Variants in NECAP1 observed in about 807,000 individuals in gnomAD.
NECAP1 encodes the protein NECAP endocytosis associated 1.
In NECAP1, 13 loss-of-function variants were observed where a neutral mutation model predicts 33.4. That is an observed-to-expected ratio of 0.39 (90% CI 0.25 to 0.62). The LOEUF is 0.62. Ranked by LOEUF, NECAP1 falls within the 20% of genes least tolerant of loss-of-function variation. NECAP1 has a pLI of 0.52. For missense variants in NECAP1, 272 were observed against 347.4 expected, an observed-to-expected ratio of 0.78 and a Z score of 1.73; for synonymous variants, 109 against 125.2, an observed-to-expected ratio of 0.87 and a Z score of 0.86.
intron 1 of NECAP1, among the ~76,000 whole-genome samples, chr12:8,088,727 G>A (rs1947514855): frequency 6.6e-6 from 1 of 152,058 alleles, no homozygotes; most frequent in Admixed American, 6.6e-5. Flanking sequence ...TGACCCACAA[G>A]GCCCTGCGTG....
chr12:8,091,015 T>G (rs1219255481), intron 3 of NECAP1: 1 of 152,598 alleles, frequency 6.6e-6, no homozygotes, highest in African/African-American at 2.4e-5. Flanking sequence ...GCTGTTGTAG[T>G]GTGAAATCAC....
At chr12:8,088,954 A>G (rs1225326888) in intron 1 of NECAP1, 2 of 151,966 alleles carry the variant, frequency 1.3e-5, no homozygotes, top group African/African-American at 2.4e-5. Context: ...ACCTACCCCA[A>G]CCACCCTCTT....
chr12:8,087,522 A>ATTTT (rs34100112), intron 1 of NECAP1, among the ~76,000 whole-genome samples: 1 of 137,344 alleles, frequency 7.3e-6, no homozygotes. Context: ...CTTGTTCCTA[A>ATTTT]TTTTTTTTTT....
At chr12:8,083,207 C>G (rs775983225) in intron 1 of NECAP1, among the ~76,000 whole-genome samples, 40 of 152,084 alleles carry the variant, frequency 2.6e-4, no homozygotes, top group African/African-American at 9.4e-4. Context: ...AAAGACAGTT[C>G]ACTGGGCTTC....
intron 1 of NECAP1, chr12:8,082,774 TCACACACACACACACACACA>T (rs58270520): frequency 3.9e-4 from 55 of 141,610 alleles, no homozygotes; most frequent in Middle Eastern, 3.2e-3. Flanking sequence ...TCTCTCTCTC[TCACACACACACACACACACA>T]CACACACACA....
rs144636809 is a variant in NECAP1, at chr12:8,090,127, C to G, written c.197-68C>G. 211 of 1,582,814 alleles carry G rather than the reference C, an allele frequency of 1.3e-4. No individual in the cohort carries two copies. The African/African-American group carries it at 2.7e-3, about 21-fold the overall frequency. On this transcript the variant is annotated intron_variant, in intron 2 of 7. Transcript: ENST00000339754. Reference sequence around the variant, plus strand: ...CAATTTGGGGACTGGAATGGAAATACTACTTGTTAATTGGGGTTCTGGATT... The same window carrying G: ...CAATTTGGGGACTGGAATGGAAATAGTACTTGTTAATTGGGGTTCTGGATT...
chr12:8,089,747 T>C, intron 1 of NECAP1, 189 bp from the exon 2 acceptor site: 1 of 555,704 alleles, frequency 1.8e-6, no homozygotes, highest in Non-Finnish European at 3.2e-6. Context: ...AGTAGTAGCA[T>C]TGTCTTTTAC....
In NECAP1 at chr12:8,091,540, C is replaced by T. The variant is rs116211267; in HGVS notation, c.302-229C>T. On this transcript the variant is annotated intron_variant, in intron 3 of 7. Coordinates refer to ENST00000339754, the MANE Select transcript of NECAP1 (RefSeq NM_015509.4). ...CATGTGCAGTTCACAGTAGGGTTCA[C>T]ACCCCTCTGAGAATCTAATGCTGCC... is the stretch of plus-strand genomic sequence containing the variant. The T allele has an allele frequency of 1.1e-3, 596 of 545,906 alleles. 1 individual carries two copies. Among genetic ancestry groups the T allele is most frequent in the African/African-American group, 9.9e-3 (519 of 52,592 alleles). 33.8% of individuals were successfully genotyped at this position (545,906 alleles called of 1,614,324 possible).
At chr12:8,082,482 G>A in intron 1 of NECAP1, 99 bp downstream of exon 1, 1 of 1,088,284 alleles carries the variant, frequency 9.2e-7, no homozygotes, top group East Asian at 2.6e-5. Flanking sequence ...TACTACCTCT[G>A]TATTGTCACC....
At chr12:8,091,260 G>A (rs1483987252) in intron 3 of NECAP1, 1 of 154,364 alleles carries the variant, frequency 6.5e-6, no homozygotes, top group African/African-American at 2.4e-5. Flanking sequence ...GACCCGTTTT[G>A]TGGAAGACAG....
chr12:8,090,898 T>C (rs1168487204), intron 3 of NECAP1: 10 of 153,458 alleles, frequency 6.5e-5, no homozygotes, highest in African/African-American at 2.4e-4. Flanking sequence ...GGGGCAGTCA[T>C]TCTTACTCTT....
intron 1 of NECAP1, 164 bp from the exon 2 acceptor site, chr12:8,089,772 A>T: frequency 1.6e-6 from 1 of 629,710 alleles, no homozygotes; most frequent in Non-Finnish European, 2.8e-6. Context: ...TTTGGACTGT[A>T]TGTAACATGA....
intron 6 of NECAP1, chr12:8,093,579 A>G (rs1207030310): frequency 6.4e-6 from 1 of 155,134 alleles, no homozygotes; most frequent in African/African-American, 2.4e-5. Context: ...AAATACAAAC[A>G]TTAGTTGGAC....
Position 8,082,331 on chromosome 12 carries a change from C to T in NECAP1, c.43C>T (p.Pro15Ser), listed in dbSNP as rs1467285778. ...GTACGAGTCTGTGCTGTGTGTGAAG[C>T]CAGACGTCAGCGTCTACCGGATTCC... ...LEYESVLCVK[P>S]DVSVYRIPPR... Residue 15 changes from proline to serine, a missense_variant, in exon 1 of 8, where the codon CCA becomes TCA. Pro to Ser is a moderately conservative substitution (Grantham distance 74). Coordinates refer to ENST00000339754, the MANE Select transcript of NECAP1 (RefSeq NM_015509.4). 1 of 1,613,712 alleles carries T rather than the reference C, an allele frequency of 6.2e-7. No homozygotes were observed. Among genetic ancestry groups the T allele is most frequent in the Admixed American group, 1.7e-5 (1 of 60,030 alleles).
At position 8,089,325 on chromosome 12, in the gene NECAP1, T is replaced by C. The variant is rs767686467; in HGVS notation, c.96-611T>C. ...TTATCTGATTAGTAAAGCATGGTTA[T>C]CTAGTATACCATCTATAGTTTGAAA... is the stretch of plus-strand genomic sequence containing the variant. On this transcript the variant is annotated intron_variant, in intron 1 of 7. Coordinates refer to ENST00000339754, the MANE Select transcript of NECAP1 (RefSeq NM_015509.4). 4 of 152,266 alleles carry C rather than the reference T, an allele frequency of 2.6e-5. No individual in the cohort carries two copies. The East Asian group carries it at 7.7e-4, about 29-fold the overall frequency. 9.4% of individuals were successfully genotyped at this position (152,266 alleles called of 1,614,324 possible). A position where few individuals can be genotyped will look rare whatever the true frequency, so the allele number is the denominator to read the frequency against.
At chr12:8,085,686 CTTTTTTTTTTTTTTTTTTT>C (rs554942626) in intron 1 of NECAP1, among the ~76,000 whole-genome samples, 2 of 104,810 alleles carry the variant, frequency 1.9e-5, no homozygotes, top group Non-Finnish European at 3.5e-5. Flanking sequence ...ACTTAATCTT[CTTTTTTTTTTTTTTTTTTT>C]TTTTTTTTTT....
rs762853657 is a variant in NECAP1 at position 8,091,375 on chromosome 12, A to G, written c.302-394A>G. On this transcript the variant is annotated intron_variant, in intron 3 of 7. Coordinates refer to ENST00000339754, the MANE Select transcript of NECAP1 (RefSeq NM_015509.4). Reference sequence around the variant, plus strand: ...TTATTACATTGTAATGTATAATGAAATAATTATACAACTCACTATAATGTA... The same window carrying G: ...TTATTACATTGTAATGTATAATGAAGTAATTATACAACTCACTATAATGTA... 4 of 199,876 alleles carry G rather than the reference A, an allele frequency of 2.0e-5. No homozygotes were observed. In the East Asian group the frequency reaches 5.4e-4, roughly 27 times the overall value. The allele number at this position is 199,876 out of a possible 1,614,324, so 12.4% of individuals were successfully genotyped here.
intron 1 of NECAP1, among the ~76,000 whole-genome samples, chr12:8,088,040 C>T (rs775885739): frequency 6.6e-6 from 1 of 152,070 alleles, no homozygotes; most frequent in African/African-American, 2.4e-5. Flanking sequence ...ATAACTTTTA[C>T]TTTGCTAATC....
At chr12:8,088,847 G>A (rs1165004123) in intron 1 of NECAP1, 3 of 152,048 alleles carry the variant, frequency 2.0e-5, no homozygotes, top group African/African-American at 7.3e-5. Context: ...AGCACCTTTG[G>A]GCTAGCTGTT....
Sources: gnomAD v4.1 joint callset for allele counts (sites outside exome capture counted in the v4.1 genomes callset) on GRCh38, gnomAD v4.1.1 for gene constraint, MANE v1.5 for transcripts, NCBI Gene and HGNC (gene_info 2026-07-23, HGNC 2026-07-21) for gene names.